Variants in CACNA2D3 observed in about 807,000 individuals in gnomAD.
CACNA2D3 encodes calcium voltage-gated channel auxiliary subunit alpha2delta 3.
In CACNA2D3, 60 loss-of-function variants were observed where a neutral mutation model predicts 160.6. The ratio of observed to expected loss-of-function variants is 0.37; its 90% CI spans 0.30 to 0.46. The LOEUF (loss-of-function observed/expected upper bound fraction) is 0.46. Among genes scored for constraint, CACNA2D3 ranks in the 20% least tolerant of loss-of-function variants. CACNA2D3 has a pLI of 1.00. For missense variants in CACNA2D3, 1,205 were observed against 1,365.0 expected (o/e 0.88, Z 1.85); for synonymous variants, 558 against 492.9 (o/e 1.13, Z -1.75).
intron 4 of CACNA2D3, among the ~76,000 whole-genome samples, chr3:54,491,430 G>C (rs897095910): frequency 2.8e-4 from 42 of 152,216 alleles, no homozygotes; most frequent in African/African-American, 9.6e-4. Flanking sequence ...TTGAAAACAT[G>C]GTGTCTCAGC....
chr3:54,175,613 CA>C (rs1163953295), intron 2 of CACNA2D3, among the ~76,000 whole-genome samples: 42,287 of 90,130 alleles, frequency 0.47, 6,280 homozygotes, highest in East Asian at 0.52. Context: ...GACTCTGTCT[CA>C]AAAAAAAAAA....
intron 2 of CACNA2D3, among the ~76,000 whole-genome samples, chr3:54,249,695 A>ACACACC (rs1702148199): frequency 6.7e-6 from 1 of 150,004 alleles, no homozygotes; most frequent in African/African-American, 2.5e-5. Context: ...ACACACACAC[A>ACACACC]CACCCCTCAT....
At chr3:54,280,401 A>G (rs1246211294) in intron 2 of CACNA2D3, among the ~76,000 whole-genome samples, 1 of 152,032 alleles carries the variant, frequency 6.6e-6, no homozygotes, top group Non-Finnish European at 1.5e-5. Flanking sequence ...TTTAATACAT[A>G]TTTATTAAGC....
chr3:54,402,947 A>T (rs1231667555), intron 4 of CACNA2D3, among the ~76,000 whole-genome samples: 1 of 152,236 alleles, frequency 6.6e-6, no homozygotes, highest in South Asian at 2.1e-4. Flanking sequence ...GACCACAAGT[A>T]TATGAAACTA....
intron 10 of CACNA2D3, among the ~76,000 whole-genome samples, chr3:54,634,301 C>CA (rs1203473589): frequency 3.3e-5 from 5 of 152,178 alleles, no homozygotes; most frequent in African/African-American, 1.2e-4. Context: ...CAGATACTCA[C>CA]ATCTCTCAGG....
intron 4 of CACNA2D3, among the ~76,000 whole-genome samples, chr3:54,421,985 C>G (rs1243162718): frequency 1.3e-5 from 2 of 152,024 alleles, no homozygotes; most frequent in African/African-American, 4.8e-5. Context: ...TCTTATAATT[C>G]ATTTGTAGCT....
chr3:54,918,928 C>G lies in CACNA2D3; in HGVS notation c.2449+19060C>G, dbSNP rs200210414. On this transcript the variant is annotated intron_variant, in intron 27 of 37. Transcript: ENST00000474759. ...CAAAAGCAAAGAACAATAACAAAGC[C>G]TTGATACAACAGAGTTCCAAAATCC... The G allele has an allele frequency of 8.7e-5, 130 of 1,494,078 alleles. No homozygotes were observed. In the African/African-American group the frequency reaches 1.7e-3, roughly 20 times the overall value. 92.6% of individuals were successfully genotyped at this position (1,494,078 alleles called of 1,614,324 possible).
rs1370059338 is a variant in CACNA2D3, at chr3:54,899,829, A to G, written c.2410A>G (p.Ile804Val). Reference sequence around the variant, plus strand: ...CAATGTGGTGACAGCAAGTACATCCATCCAGCTCCTGGATGAACGGAAATC... The same window carrying G: ...CAATGTGGTGACAGCAAGTACATCCGTCCAGCTCCTGGATGAACGGAAATC... The part of the protein sequence containing the change: ...KSNVVTASTS[I>V]QLLDERKSPV... Residue 804 changes from isoleucine (I) to valine (V), a missense_variant, in exon 27 of 38, where the codon ATC (isoleucine) becomes GTC (valine). By Grantham distance (29) the Ile-to-Val change is conservative. Transcript: ENST00000474759. The G allele has an allele frequency of 1.2e-6, 2 of 1,608,698 alleles. No individual in the cohort carries two copies. The highest frequency in any genetic ancestry group is 1.3e-5 in the African/African-American group (1 of 74,888).
chr3:54,163,888 A>C (rs1700397962), intron 2 of CACNA2D3, among the ~76,000 whole-genome samples: 1 of 152,138 alleles, frequency 6.6e-6, no homozygotes, highest in Non-Finnish European at 1.5e-5. Context: ...CACAGACCAC[A>C]TGGTCTTGCT....
At chr3:54,863,532 CT>C (rs948341914) in intron 17 of CACNA2D3, among the ~76,000 whole-genome samples, 2 of 152,072 alleles carry the variant, frequency 1.3e-5, no homozygotes, top group Non-Finnish European at 2.9e-5. Flanking sequence ...GACCAACTGG[CT>C]TTTTGAGAAT....
chr3:54,898,321 C>T (rs771295375), intron 26 of CACNA2D3, among the ~76,000 whole-genome samples: 16 of 150,032 alleles, frequency 1.1e-4, no homozygotes, highest in Non-Finnish European at 2.1e-4. Context: ...CTTCTGGGTT[C>T]AAGCGATTCT....
At chr3:54,472,444 G>A (rs1049732153) in intron 4 of CACNA2D3, among the ~76,000 whole-genome samples, 5 of 152,126 alleles carry the variant, frequency 3.3e-5, no homozygotes, top group African/African-American at 1.2e-4. Flanking sequence ...ATATCATACT[G>A]AATGGGCAAA....
chr3:54,633,093 C>T (rs1473033259), intron 10 of CACNA2D3, among the ~76,000 whole-genome samples: 1 of 152,174 alleles, frequency 6.6e-6, no homozygotes, highest in Non-Finnish European at 1.5e-5. Context: ...GGAGCACTCA[C>T]CCTCAGGATC....
intron 3 of CACNA2D3, among the ~76,000 whole-genome samples, chr3:54,320,831 G>A (rs933520275): frequency 2.0e-5 from 3 of 152,208 alleles, no homozygotes; most frequent in Non-Finnish European, 4.4e-5. Flanking sequence ...ACGTGGGCCT[G>A]TAACTGTATG....
At chr3:54,819,660 C>T (rs934828471) in intron 14 of CACNA2D3, among the ~76,000 whole-genome samples, 2 of 152,174 alleles carry the variant, frequency 1.3e-5, no homozygotes, top group African/African-American at 4.8e-5. Context: ...TCCTGGCCAA[C>T]ATGGTGAAAC....
chr3:54,633,099 G>T (rs974534589), intron 10 of CACNA2D3, among the ~76,000 whole-genome samples: 1 of 152,158 alleles, frequency 6.6e-6, no homozygotes, highest in African/African-American at 2.4e-5. Flanking sequence ...CTCACCCTCA[G>T]GATCACAGCC....
intron 17 of CACNA2D3, among the ~76,000 whole-genome samples, chr3:54,871,206 CA>C (rs1699523063): frequency 9.4e-6 from 1 of 106,398 alleles, no homozygotes; most frequent in Admixed American, 1.2e-4. Context: ...CACACACACA[CA>C]CACACACACA....
At chr3:54,833,913 C>T (rs1703931772) in intron 14 of CACNA2D3, among the ~76,000 whole-genome samples, 1 of 152,104 alleles carries the variant, frequency 6.6e-6, no homozygotes, top group Non-Finnish European at 1.5e-5. Context: ...CAGAACTGCC[C>T]CTAGGAGAGG....
At chr3:55,062,715 C>CTTAT (rs1164926098) in intron 35 of CACNA2D3, among the ~76,000 whole-genome samples, 1 of 152,088 alleles carries the variant, frequency 6.6e-6, no homozygotes, top group Non-Finnish European at 1.5e-5. Context: ...CATTTGTTTT[C>CTTAT]TTATTTGTTT....
Sources: allele counts gnomAD v4.1 joint callset (sites outside exome capture counted in the v4.1 genomes callset), GRCh38; gene constraint gnomAD v4.1.1; transcripts MANE v1.5; gene names NCBI Gene and HGNC (gene_info 2026-07-23, HGNC 2026-07-21).